The following SRD5A3 variants were observed in gnomAD, a reference collection of about 807,000 sequenced individuals.
SRD5A3 encodes the protein steroid 5 alpha-reductase 3, also known as polyprenal reductase.
Under a neutral mutation model 34.3 loss-of-function variants are expected in SRD5A3, and 24 were observed. The ratio of observed to expected loss-of-function variants is 0.70; its 90% CI spans 0.51 to 0.99. The LOEUF (loss-of-function observed/expected upper bound fraction) is 0.99, where lower values mean the gene tolerates loss of function less well. SRD5A3 is among the 50% of genes least tolerant of loss of function. The probability of loss-of-function intolerance (pLI) is 0.00; values close to 1 mark genes in which losing one functional copy is unlikely to be tolerated. For synonymous variants in SRD5A3, 161 were observed against 167.3 expected, an observed-to-expected ratio of 0.96 and a Z score of 0.29; for missense variants, 350 against 388.2, an observed-to-expected ratio of 0.90 and a Z score of 0.83.
In SRD5A3 at chr4:55,359,471, G is replaced by A; in HGVS notation, c.347G>A (p.Gly116Glu). The change falls in exon 2 of 5, where the codon GGG becomes GAG. Residue 116 changes from glycine to glutamate, a missense_variant. Transcript: ENST00000264228. ...CTTCATGGTTTGCTCAGAATTCTCG[G>A]GGCGGCACAGTTCCAGGGTAAGGAC... ...SWLHGLLRIL[G>E]AAQFQGGELA... 6.2e-7 allele frequency: 1 copy of A among 1,613,952 alleles called. No individual in the cohort carries two copies. The highest frequency in any genetic ancestry group is 8.5e-7 in the Non-Finnish European group (1 of 1,180,004).
rs1720109946 is a variant in SRD5A3, at chr4:55,371,038, C to CTGTT, written c.*947_*948insTGTT. The CTGTT allele has an allele frequency of 6.6e-6, 1 of 152,154 alleles. No individual in the cohort carries two copies. The highest frequency in any genetic ancestry group is 6.5e-5 in the Admixed American group (1 of 15,270). 9.4% of individuals were successfully genotyped at this position (152,154 alleles called of 1,614,324 possible). On this transcript the variant is annotated 3_prime_UTR_variant, in exon 5 of 5. Coordinates refer to ENST00000264228, the MANE Select transcript of SRD5A3 (RefSeq NM_024592.5). The stretch of plus-strand genomic sequence containing the variant: ...CATTCATCTCCCCCTCAAATCATAG[C>CTGTT]CTAACAGAACACTTTGAAAGCTCTT...
At chr4:55,357,732 G>T in intron 1 of SRD5A3, among the ~76,000 whole-genome samples, 1 of 152,184 alleles carries the variant, frequency 6.6e-6, no homozygotes, top group East Asian at 1.9e-4. Context: ...AAGACACAGG[G>T]TCTTGCTCTA....
chr4:55,348,672 C>T (rs578222081), intron 1 of SRD5A3, among the ~76,000 whole-genome samples: 12 of 152,324 alleles, frequency 7.9e-5, no homozygotes, highest in South Asian at 2.1e-4. Flanking sequence ...ACGTGCCTTT[C>T]CTCATTTAAT....
chr4:55,361,631 C>T (rs192887940), intron 2 of SRD5A3, among the ~76,000 whole-genome samples: 530 of 152,098 alleles, frequency 3.5e-3, no homozygotes, highest in Non-Finnish European at 5.4e-3. Flanking sequence ...GTGAAACCCC[C>T]GTCTCTACTA....
chr4:55,354,384 C>G (rs948086175), intron 1 of SRD5A3, among the ~76,000 whole-genome samples: 1 of 152,126 alleles, frequency 6.6e-6, no homozygotes, highest in Non-Finnish European at 1.5e-5. Flanking sequence ...CCTGACGCAC[C>G]GCGCTCGGCC....
rs901128970 is a variant in SRD5A3, at chr4:55,359,163, C to G, written c.222-183C>G. The G allele has an allele frequency of 1.1e-5, 8 of 733,904 alleles. 1 individual carries two copies. The highest frequency in any genetic ancestry group is 1.0e-4 in the South Asian group (6 of 57,792). 45.5% of individuals were successfully genotyped at this position (733,904 alleles called of 1,614,324 possible). A position where few individuals can be genotyped will look rare whatever the true frequency, so the allele number is the denominator to read the frequency against. ...CTTTTTCCTGAAAGTTAACTGGTCC[C>G]GTTATTTGAAAGGAAATTTTAAGAA... On this transcript the variant is annotated intron_variant, in intron 1 of 4. Transcript: ENST00000264228.
intron 1 of SRD5A3, among the ~76,000 whole-genome samples, chr4:55,355,851 G>A (rs1271681769): frequency 1.3e-5 from 2 of 152,034 alleles, no homozygotes; most frequent in African/African-American, 4.8e-5. Context: ...AGATTGTTAT[G>A]AAGATGAACT....
At chr4:55,351,824 G>A in intron 1 of SRD5A3, 1 of 524,850 alleles carries the variant, frequency 1.9e-6, no homozygotes. Context: ...AGAATCAAGG[G>A]GCTCCATAAT....
Position 55,367,592 on chromosome 4 carries a change from C to T in SRD5A3, c.567C>T (p.Tyr189=), listed in dbSNP as rs756589337. Residue 189 remains tyrosine, a synonymous_variant, in exon 4 of 5, where the codon TAC becomes TAT. Coordinates refer to ENST00000264228, the MANE Select transcript of SRD5A3 (RefSeq NM_024592.5). ...SQVPMDGRNA[Y]ITGKNLLMQA... is the part of the protein sequence containing the mutation. ...TAACAATTCTCATTCCTATAGCCTA[C>T]ATAACAGGGAAAAATCTATTGATGC... The T allele has an allele frequency of 6.2e-7, 1 of 1,614,018 alleles. No homozygotes were observed. Among genetic ancestry groups the T allele is most frequent in the South Asian group, 1.1e-5 (1 of 91,080 alleles).
In SRD5A3 at chr4:55,370,980, A is replaced by C. The variant is rs1720106925; in HGVS notation, c.*889A>C. On this transcript the variant is annotated 3_prime_UTR_variant, in exon 5 of 5. Transcript: ENST00000264228. ...TATACTTTCACATATCACCACAAAG[A>C]TCTCCAGTTAAATAACTATCAATAT... is the stretch of plus-strand genomic sequence containing the variant. 1 of 152,230 alleles carries C rather than the reference A, an allele frequency of 6.6e-6. No homozygotes were observed. The highest frequency in any genetic ancestry group is 2.1e-4 in the South Asian group (1 of 4,834). The allele number at this position is 152,230 out of a possible 1,614,324, so 9.4% of individuals were successfully genotyped here. A position where few individuals can be genotyped will look rare whatever the true frequency, so the allele number is the denominator to read the frequency against.
At chr4:55,352,845 G>A (rs536945882) in intron 1 of SRD5A3, among the ~76,000 whole-genome samples, 1 of 152,204 alleles carries the variant, frequency 6.6e-6, no homozygotes, top group African/African-American at 2.4e-5. Flanking sequence ...GATAATTTCA[G>A]ATGACTGTAA....
chr4:55,373,041 T>C lies in SRD5A3; in HGVS notation c.*2950T>C, dbSNP rs1363381757. Reference sequence around the variant, plus strand: ...AAGGTGCCTAAAAACTCAAGAACCATTGATAAGTGAGATCACTCAAAATGA... The same window carrying C: ...AAGGTGCCTAAAAACTCAAGAACCACTGATAAGTGAGATCACTCAAAATGA... On this transcript the variant is annotated 3_prime_UTR_variant, in exon 5 of 5. Transcript: ENST00000264228. The C allele has an allele frequency of 3.9e-5, 6 of 152,030 alleles. No individual in the cohort carries two copies. Among genetic ancestry groups the C allele is most frequent in the Non-Finnish European group, 5.9e-5 (4 of 68,034 alleles). 9.4% of individuals were successfully genotyped at this position (152,030 alleles called of 1,614,324 possible).
At chr4:55,351,008 C>T (rs1392321943) in intron 1 of SRD5A3, among the ~76,000 whole-genome samples, 6 of 152,022 alleles carry the variant, frequency 3.9e-5, no homozygotes, top group African/African-American at 1.4e-4. Context: ...TCAGATGATC[C>T]GCCCACCTTG....
At chr4:55,354,848 A>G (rs1452843481) in intron 1 of SRD5A3, among the ~76,000 whole-genome samples, 3 of 152,262 alleles carry the variant, frequency 2.0e-5, no homozygotes, top group African/African-American at 7.2e-5. Context: ...ACGCATGTGT[A>G]AGCTCCATGA....
At chr4:55,361,029 T>A (rs908893303) in intron 2 of SRD5A3, among the ~76,000 whole-genome samples, 1 of 152,132 alleles carries the variant, frequency 6.6e-6, no homozygotes, top group Non-Finnish European at 1.5e-5. Context: ...GTGAAAACTA[T>A]GAAATGTCCT....
chr4:55,364,068 T>G lies in SRD5A3; in HGVS notation c.365-6T>G. 6.2e-7 allele frequency: 1 copy of G among 1,614,174 alleles called. No homozygotes were observed. Among genetic ancestry groups the G allele is most frequent in the Non-Finnish European group, 8.5e-7 (1 of 1,179,996 alleles). On this transcript the variant is annotated splice_polypyrimidine_tract_variant and splice_region_variant and intron_variant, in intron 2 of 4. Transcript: ENST00000264228. ...AATGCTGACCCTGTTGCCTTCTGAA[T>G]TGTAGGAGGGGAGCTGGCACTGTCT...
chr4:55,370,404 C>T lies in SRD5A3; in HGVS notation c.*313C>T, dbSNP rs1156895586. 2.3e-5 allele frequency: 4 copies of T among 175,770 alleles called. No homozygotes were observed. The highest frequency in any genetic ancestry group is 8.7e-5 in the East Asian group (1 of 11,478). The allele number at this position is 175,770 out of a possible 1,614,324, so 10.9% of individuals were successfully genotyped here. A position where few individuals can be genotyped will look rare whatever the true frequency, so the allele number is the denominator to read the frequency against. On this transcript the variant is annotated 3_prime_UTR_variant, in exon 5 of 5. Coordinates refer to ENST00000264228, the MANE Select transcript of SRD5A3 (RefSeq NM_024592.5). Reference sequence around the variant, plus strand: ...CAAGCTGCTTCACAAGCAAACTAACCGAAAAACCGAAAATATACAAACAGC... The same window carrying T: ...CAAGCTGCTTCACAAGCAAACTAACTGAAAAACCGAAAATATACAAACAGC...
intron 1 of SRD5A3, among the ~76,000 whole-genome samples, chr4:55,353,539 C>T (rs912384427): frequency 6.6e-6 from 1 of 152,198 alleles, no homozygotes; most frequent in African/African-American, 2.4e-5. Context: ...CACTGGGGGT[C>T]CCCTTCTACC....
intron 1 of SRD5A3, among the ~76,000 whole-genome samples, chr4:55,349,533 G>C (rs560968708): frequency 6.6e-6 from 1 of 151,158 alleles, no homozygotes; most frequent in African/African-American, 2.4e-5. Flanking sequence ...CTGTCTGGTA[G>C]ATTTTTTTTT....
Sources: allele counts gnomAD v4.1 joint callset (sites outside exome capture counted in the v4.1 genomes callset), GRCh38; gene constraint gnomAD v4.1.1; transcripts MANE v1.5; gene names NCBI Gene and HGNC (gene_info 2026-07-23, HGNC 2026-07-21).